ZC3H12B: variants seen among roughly 807,000 people sequenced by gnomAD.
The protein encoded by ZC3H12B is probable ribonuclease ZC3H12B.
ZC3H12B carries 7 observed loss-of-function variants against 43.9 expected under a neutral mutation model. The observed-to-expected ratio is 0.16, with a 90% confidence interval of 0.09 to 0.30. The LOEUF (loss-of-function observed/expected upper bound fraction) is 0.30. Ranked by LOEUF, ZC3H12B falls within the 10% of genes least tolerant of loss-of-function variation. The probability of loss-of-function intolerance (pLI) is 1.00; values close to 1 mark genes in which losing one functional copy is unlikely to be tolerated. For synonymous variants in ZC3H12B, 222 were observed against 241.7 expected, an observed-to-expected ratio of 0.92 and a Z score of 0.76; for missense variants, 475 against 670.2, an observed-to-expected ratio of 0.71 and a Z score of 3.22.
At chrX:65,174,293 CTT>C in the ZC3H12B span, among the ~76,000 whole-genome samples, 744 of 112,442 alleles carry the variant, frequency 6.6e-3, 9 homozygotes, top group African/African-American at 0.023. Context: ...AAGAATACTC[CTT>C]GTTTTTCAAA....
chrX:65,343,694 T>C, the ZC3H12B span, among the ~76,000 whole-genome samples: 3 of 112,111 alleles, frequency 2.7e-5, no homozygotes, highest in Non-Finnish European at 3.8e-5. Flanking sequence ...ATGAGCCATT[T>C]ATAATAAACC....
chrX:65,157,421 C>T, the ZC3H12B span, among the ~76,000 whole-genome samples: 2 of 112,066 alleles, frequency 1.8e-5, no homozygotes, highest in African/African-American at 6.5e-5. Flanking sequence ...GTTGTGTCTT[C>T]AAAGTAAATT....
chrX:65,423,678 C>G (rs1313407044), intron 3 of ZC3H12B, among the ~76,000 whole-genome samples: 1 of 111,546 alleles, frequency 9.0e-6, no homozygotes, highest in Non-Finnish European at 1.9e-5. Context: ...GTGTTCATAT[C>G]CTTTGCCCAC....
intron 3 of ZC3H12B, among the ~76,000 whole-genome samples, chrX:65,427,213 G>A (rs910077500): frequency 1.8e-5 from 2 of 111,619 alleles, no homozygotes; most frequent in African/African-American, 6.5e-5. Context: ...ATTATGTAAT[G>A]CCCTTCTTTG....
the ZC3H12B span, among the ~76,000 whole-genome samples, chrX:65,172,490 T>C: frequency 2.7e-5 from 3 of 112,482 alleles, no homozygotes; most frequent in Non-Finnish European, 5.6e-5. Context: ...GTTTTTGTCA[T>C]GAAGACTTTG....
intron 3 of ZC3H12B, among the ~76,000 whole-genome samples, chrX:65,409,154 C>A (rs2066872848): frequency 1.8e-5 from 2 of 109,519 alleles, no homozygotes; most frequent in South Asian, 7.7e-4. Context: ...TTTATTCTGT[C>A]AAGAAATAAA....
the ZC3H12B span, among the ~76,000 whole-genome samples, chrX:65,202,116 T>G: frequency 1.1e-5 from 1 of 88,080 alleles, no homozygotes; most frequent in South Asian, 4.4e-4. Context: ...ATAATATATA[T>G]TATATGTAAT....
chrX:65,398,782 AATACTT>A (rs1386957153), intron 3 of ZC3H12B, 78 bp downstream of exon 5: 1 of 111,780 alleles, frequency 8.9e-6, no homozygotes, highest in African/African-American at 3.3e-5. Context: ...AAAATGTACT[AATACTT>A]ATAGTAACCA....
chrX:65,385,274 T>C (rs753425114), intron 2 of ZC3H12B, among the ~76,000 whole-genome samples: 3 of 112,147 alleles, frequency 2.7e-5, no homozygotes, highest in East Asian at 5.6e-4. Context: ...ATTCTTTCTA[T>C]CCATGAGCAT....
the ZC3H12B span, chrX:65,356,994 T>C: frequency 4.0e-6 from 2 of 505,836 alleles, no homozygotes; most frequent in Non-Finnish European, 7.3e-6. Flanking sequence ...TCTCATGGTG[T>C]ATAAAATGGA....
intron 2 of ZC3H12B, among the ~76,000 whole-genome samples, chrX:65,378,414 A>G (rs772184997): frequency 2.7e-5 from 3 of 111,888 alleles, no homozygotes; most frequent in Non-Finnish European, 5.6e-5. Context: ...ATGGGTTATA[A>G]GATAGTATTT....
intron 3 of ZC3H12B, among the ~76,000 whole-genome samples, chrX:65,415,832 G>GA (rs2066953970): frequency 8.9e-6 from 1 of 111,947 alleles, no homozygotes; most frequent in Admixed American, 9.4e-5. Context: ...GATATTACAT[G>GA]AAAAAATTAA....
At chrX:65,349,534 T>C in the ZC3H12B span, among the ~76,000 whole-genome samples, 3 of 111,104 alleles carry the variant, frequency 2.7e-5, no homozygotes, top group Non-Finnish European at 3.8e-5. Context: ...CTGAAGGAGA[T>C]AGAGGCACGA....
the ZC3H12B span, among the ~76,000 whole-genome samples, chrX:65,320,076 G>C: frequency 9.0e-6 from 1 of 111,053 alleles, no homozygotes; most frequent in African/African-American, 3.3e-5. Flanking sequence ...GAAAGACATA[G>C]CACACAAATA....
the ZC3H12B span, among the ~76,000 whole-genome samples, chrX:65,181,241 C>A: frequency 9.0e-6 from 1 of 111,516 alleles, no homozygotes; most frequent in East Asian, 2.8e-4. Context: ...ATACCTTATG[C>A]AAAAAATTAA....
At chrX:65,310,086 G>A in the ZC3H12B span, among the ~76,000 whole-genome samples, 8 of 111,788 alleles carry the variant, frequency 7.2e-5, no homozygotes, top group African/African-American at 9.8e-5. Flanking sequence ...TTGAAAACTG[G>A]CACAAGACAT....
chrX:65,438,979 G>C (rs1200559113), intron 3 of ZC3H12B, among the ~76,000 whole-genome samples: 1 of 112,762 alleles, frequency 8.9e-6, no homozygotes, highest in East Asian at 2.8e-4. Flanking sequence ...ATAAAAGCAA[G>C]GGCAGCTTTG....
intron 3 of ZC3H12B, among the ~76,000 whole-genome samples, chrX:65,416,259 T>C (rs1343233034): frequency 8.9e-6 from 1 of 111,747 alleles, no homozygotes; most frequent in East Asian, 2.8e-4. Flanking sequence ...TTATTTCTTA[T>C]GTCTCTTTTA....
chrX:65,455,987 T>G (rs1233762326), intron 3 of ZC3H12B, among the ~76,000 whole-genome samples: 4 of 111,440 alleles, frequency 3.6e-5, no homozygotes, highest in African/African-American at 1.3e-4. Context: ...GCATTAAACA[T>G]GGGAAGGAAC....
Sources: gnomAD v4.1 joint callset for allele counts (sites outside exome capture counted in the v4.1 genomes callset) on GRCh38, gnomAD v4.1.1 for gene constraint, MANE v1.5 for transcripts, NCBI Gene and HGNC (gene_info 2026-07-23, HGNC 2026-07-21) for gene names.